TSHZ3: variants seen among roughly 807,000 people sequenced by gnomAD.
TSHZ3 encodes teashirt homolog 3.
A neutral mutation model predicts 64.5 loss-of-function variants in TSHZ3; 10 were observed. The observed-to-expected ratio is 0.16, with a 90% CI of 0.10 to 0.26. The LOEUF is 0.26. TSHZ3 is among the 10% of genes least tolerant of loss of function. TSHZ3 has a pLI of 1.00. For missense variants in TSHZ3, 1,242 were observed against 1,421.7 expected (o/e 0.87, Z 2.03); for synonymous variants, 608 against 593.1 (o/e 1.03, Z -0.36).
intron 1 of TSHZ3, among the ~76,000 whole-genome samples, chr19:31,254,694 G>A (rs986888015): frequency 1.3e-5 from 2 of 152,190 alleles, no homozygotes; most frequent in Non-Finnish European, 2.9e-5. Context: ...CCCTAGCTGT[G>A]GTGTGATCCA....
rs1251370915 is a variant in TSHZ3, at chr19:31,277,851, T to C, written c.1942A>G (p.Ser648Gly). ...PKRATPSPCSSEVGEPIKMEA... is the reference protein window; with the variant it reads ...PKRATPSPCSGEVGEPIKMEA... ...ATCTTGATGGGTTCCCCGACTTCGC[T>C]GCTACATGGGGAGGGAGTGGCCCGC... Residue 648 changes from serine (S) to glycine (G), a missense_variant, in exon 2 of 2, where the codon AGC (serine) becomes GGC (glycine). Coordinates refer to ENST00000240587, the MANE Select transcript of TSHZ3 (RefSeq NM_020856.4). This position sits in a 1 kb window ranked among gnomAD's most constrained non-coding sequence, Gnocchi z 4.5. The C allele has an allele frequency of 1.3e-6, 2 of 1,592,312 alleles. No individual in the cohort carries two copies. Among genetic ancestry groups the C allele is most frequent in the Admixed American group, 1.8e-5 (1 of 56,536 alleles).
rs756637418 is a variant in TSHZ3 at position 31,278,423 on chromosome 19, T to A, written c.1370A>T (p.Asn457Ile). 6.2e-7 allele frequency: 1 copy of A among 1,614,178 alleles called. No homozygotes were observed. Among genetic ancestry groups the A allele is most frequent in the East Asian group, 2.2e-5 (1 of 44,862 alleles). ...LAATTFTSPS[N>I]TPASISPKLN... Reference sequence around the variant, plus strand: ...TTTTGGGGAGATGCTGGCAGGTGTATTGGAGGGGGACGTGAAGGTGGTGGC... The same window carrying A: ...TTTTGGGGAGATGCTGGCAGGTGTAATGGAGGGGGACGTGAAGGTGGTGGC... Residue 457 changes from asparagine to isoleucine, a missense_variant, in exon 2 of 2, where the codon AAT (asparagine) becomes ATT (isoleucine). Asn to Ile is a moderately radical substitution (Grantham distance 149). Transcript: ENST00000240587. This position sits in a 1 kb window ranked among gnomAD's most constrained non-coding sequence, Gnocchi z 4.7.
At chr19:31,343,857 T>G (rs934159713) in intron 1 of TSHZ3, among the ~76,000 whole-genome samples, 1 of 152,122 alleles carries the variant, frequency 6.6e-6, no homozygotes, top group Non-Finnish European at 1.5e-5. Flanking sequence ...ATTTAAAAAT[T>G]TAGTGACTAA....
chr19:31,173,500 T>C (rs1974564922), intron 5 of TSHZ3, among the ~76,000 whole-genome samples: 1 of 152,194 alleles, frequency 6.6e-6, no homozygotes, highest in African/African-American at 2.4e-5. Flanking sequence ...AGGTGAGGAA[T>C]ATGCTCAGAT....
intron 1 of TSHZ3, among the ~76,000 whole-genome samples, chr19:31,260,807 G>C (rs988922162): frequency 6.6e-6 from 1 of 152,186 alleles, no homozygotes. Flanking sequence ...AAGTACCAGG[G>C]AAAAGGAGAG....
At chr19:31,267,655 T>TC (rs935127173) in intron 1 of TSHZ3, among the ~76,000 whole-genome samples, 7 of 152,110 alleles carry the variant, frequency 4.6e-5, no homozygotes, top group African/African-American at 1.7e-4. Flanking sequence ...CCATTTTTTT[T>TC]TTCCTGGACT....
At chr19:31,174,498 G>C (rs1329379260) in intron 5 of TSHZ3, among the ~76,000 whole-genome samples, 2 of 152,158 alleles carry the variant, frequency 1.3e-5, no homozygotes, top group Non-Finnish European at 2.9e-5. Context: ...GAAACACCCA[G>C]AATAACAATA....
At chr19:31,159,988 C>T (rs755721898) in intron 5 of TSHZ3, among the ~76,000 whole-genome samples, 3 of 152,134 alleles carry the variant, frequency 2.0e-5, no homozygotes, top group African/African-American at 7.2e-5. Flanking sequence ...CACCACACCC[C>T]AGAATGTTGC....
chr19:31,182,775 C>T (rs16965194), intron 5 of TSHZ3, among the ~76,000 whole-genome samples: 3,040 of 152,202 alleles, frequency 0.02, 105 homozygotes, highest in African/African-American at 0.07. Context: ...ATATGTAAGA[C>T]TCTAATTCAC....
rs1464118315 is a variant in TSHZ3, at chr19:31,316,444, G to C, written c.40+32736C>G. On this transcript the variant is annotated intron_variant, in intron 1 of 1. Coordinates refer to ENST00000240587, the MANE Select transcript of TSHZ3 (RefSeq NM_020856.4). ...AGGCAGGTTTGCAAGATGAAGTGGT[G>C]TGTACGAGGCCTCTCCTCATACACA... Among the ~76,000 whole-genome samples, 5 of 152,188 alleles carry C rather than the reference G, an allele frequency of 3.3e-5. No individual in the cohort carries two copies. The East Asian group carries it at 9.7e-4, about 29-fold the overall frequency.
At chr19:31,335,349 C>G (rs150576366) in intron 1 of TSHZ3, among the ~76,000 whole-genome samples, 4 of 152,206 alleles carry the variant, frequency 2.6e-5, no homozygotes, top group Non-Finnish European at 5.9e-5. Context: ...GCTACCCTCA[C>G]GGCCCACTTC....
chr19:31,328,685 G>A (rs1916993167), intron 1 of TSHZ3, among the ~76,000 whole-genome samples: 1 of 152,214 alleles, frequency 6.6e-6, no homozygotes, highest in African/African-American at 2.4e-5. Flanking sequence ...GAGAGAAACT[G>A]TGAGGTGTTT....
chr19:31,216,656 A>G (rs765277471), intron 4 of TSHZ3, among the ~76,000 whole-genome samples: 5 of 147,444 alleles, frequency 3.4e-5, no homozygotes, highest in East Asian at 4.0e-4. Context: ...TTTGTTTTTG[A>G]GATGGAGTCT....
At chr19:31,254,500 G>A (rs1157800839) in intron 1 of TSHZ3, among the ~76,000 whole-genome samples, 3 of 152,224 alleles carry the variant, frequency 2.0e-5, no homozygotes, top group Admixed American at 1.3e-4. Context: ...ACACGCTGTG[G>A]CTCGCCCTCT....
chr19:31,283,284 T>C (rs943746448), intron 1 of TSHZ3, among the ~76,000 whole-genome samples: 1 of 152,108 alleles, frequency 6.6e-6, no homozygotes, highest in Admixed American at 6.6e-5. Context: ...AAGTGAGCCA[T>C]GACCCACCAC....
At chr19:31,313,513 C>T (rs1030552091) in intron 1 of TSHZ3, among the ~76,000 whole-genome samples, 12 of 152,156 alleles carry the variant, frequency 7.9e-5, no homozygotes, top group African/African-American at 2.2e-4. Flanking sequence ...AGGGTGGCCA[C>T]GCTCCTGGCA....
intron 1 of TSHZ3, among the ~76,000 whole-genome samples, chr19:31,287,694 G>C (rs1315376340): frequency 2.0e-5 from 3 of 152,088 alleles, no homozygotes; most frequent in Non-Finnish European, 4.4e-5. Flanking sequence ...AGAGAACACA[G>C]GTAATGGAGA....
intron 3 of TSHZ3, among the ~76,000 whole-genome samples, chr19:31,230,856 C>T (rs1030330358): frequency 6.6e-6 from 1 of 151,686 alleles, no homozygotes; most frequent in Non-Finnish European, 1.5e-5. Context: ...CCTGCCACCA[C>T]GCGCGGCTAA....
Position 31,329,540 on chromosome 19 carries a change from T to C in TSHZ3, c.40+19640A>G, listed in dbSNP as rs571270662. On this transcript the variant is annotated intron_variant, in intron 1 of 1. Transcript: ENST00000240587. ...TACCCCTCACCTCACACCGGTGAAA[T>C]TGGTGAACTGCTACTGGCAACTTGC... Among the ~76,000 whole-genome samples, 40 of 152,324 alleles carry C rather than the reference T, an allele frequency of 2.6e-4. No homozygotes were observed. In the South Asian group the frequency reaches 7.0e-3, roughly 27 times the overall value.
Sources: allele counts gnomAD v4.1 joint callset (sites outside exome capture counted in the v4.1 genomes callset), GRCh38; gene constraint gnomAD v4.1.1; non-coding constraint Gnocchi (gnomAD v3.1); transcripts MANE v1.5; gene names NCBI Gene and HGNC (gene_info 2026-07-23, HGNC 2026-07-21).